Variants in MICU1 observed in about 807,000 individuals in gnomAD.
The protein encoded by MICU1 is calcium uptake protein 1, mitochondrial.
In MICU1, 45 loss-of-function variants were observed where a neutral mutation model predicts 56.8. That is an observed-to-expected ratio of 0.79 (90% confidence interval 0.62 to 1.02). The LOEUF is 1.02. Ranked by LOEUF, MICU1 falls within the 50% of genes least tolerant of loss-of-function variation. The pLI, the probability that MICU1 is intolerant of heterozygous loss-of-function variation, is 0.00. For synonymous variants in MICU1, 186 were observed against 195.1 expected, an observed-to-expected ratio of 0.95 and a Z score of 0.39; for missense variants, 504 against 587.1, an observed-to-expected ratio of 0.86 and a Z score of 1.46.
chr10:72,450,542 G>C (rs1865263324), intron 8 of MICU1, among the ~76,000 whole-genome samples: 1 of 151,956 alleles, frequency 6.6e-6, no homozygotes. Context: ...ACATTCCGGG[G>C]AACTAACTCT....
chr10:72,512,097 G>GTTTTTTTTTTTTTTTTTTTTT (rs1867471926), intron 5 of MICU1, among the ~76,000 whole-genome samples: 8 of 100,692 alleles, frequency 7.9e-5, no homozygotes, highest in African/African-American at 3.3e-4. Context: ...TCCATACACA[G>GTTTTTTTTTTTTTTTTTTTTT]TTGTTTTTTG....
chr10:72,608,752 A>C (rs953066946), intron 1 of MICU1, among the ~76,000 whole-genome samples: 1 of 152,170 alleles, frequency 6.6e-6, no homozygotes. Context: ...ACTTAACTGT[A>C]ACCTAACGAT....
At chr10:72,555,245 T>C (rs996633595) in intron 3 of MICU1, among the ~76,000 whole-genome samples, 1 of 152,184 alleles carries the variant, frequency 6.6e-6, no homozygotes, top group African/African-American at 2.4e-5. Flanking sequence ...TTTTAAAATC[T>C]TGTGTTTACA....
intron 1 of MICU1, among the ~76,000 whole-genome samples, chr10:72,587,116 A>C (rs1364194859): frequency 1.3e-5 from 2 of 152,202 alleles, no homozygotes; most frequent in South Asian, 2.1e-4. Context: ...TGAAGAATAA[A>C]GAAGAGAACT....
intron 1 of MICU1, among the ~76,000 whole-genome samples, chr10:72,606,097 C>A (rs1232179725): frequency 6.7e-6 from 1 of 149,246 alleles, no homozygotes; most frequent in Non-Finnish European, 1.5e-5. Context: ...CACCACTGCA[C>A]TCCAGCCTAG....
chr10:72,523,467 C>T (rs1344804868), intron 5 of MICU1, among the ~76,000 whole-genome samples: 2 of 152,002 alleles, frequency 1.3e-5, no homozygotes, highest in African/African-American at 4.8e-5. Flanking sequence ...GAAGATAATC[C>T]ATTGTACTAA....
At chr10:72,539,261 C>T (rs1426928754) in intron 4 of MICU1, among the ~76,000 whole-genome samples, 1 of 152,164 alleles carries the variant, frequency 6.6e-6, no homozygotes, top group Non-Finnish European at 1.5e-5. Context: ...ATTTACAGAA[C>T]ATTCCATCCA....
chr10:72,478,920 C>A (rs1248827891), intron 6 of MICU1, among the ~76,000 whole-genome samples: 3 of 152,200 alleles, frequency 2.0e-5, no homozygotes, highest in African/African-American at 4.8e-5. Context: ...CAGGTGTGAG[C>A]CACCATGACC....
intron 1 of MICU1, among the ~76,000 whole-genome samples, chr10:72,593,522 CA>C (rs56135700): frequency 0.62 from 81,705 of 131,520 alleles, 24,141 homozygotes; most frequent in Non-Finnish European, 0.68. Flanking sequence ...ACTCTGTCTC[CA>C]AAAAAAAAAA....
intron 8 of MICU1, among the ~76,000 whole-genome samples, chr10:72,425,555 T>C (rs1054439288): frequency 2.0e-5 from 3 of 152,254 alleles, no homozygotes; most frequent in Non-Finnish European, 4.4e-5. Flanking sequence ...ATGGGCTCTA[T>C]TATGATTATT....
At chr10:72,486,087 G>GTA (rs1461617428) in intron 6 of MICU1, among the ~76,000 whole-genome samples, 2 of 152,144 alleles carry the variant, frequency 1.3e-5, no homozygotes, top group East Asian at 3.9e-4. Context: ...CCAAATTTAA[G>GTA]TAAACTAAGT....
intron 1 of MICU1, among the ~76,000 whole-genome samples, chr10:72,614,957 C>T (rs1841941386): frequency 6.6e-6 from 1 of 152,202 alleles, no homozygotes; most frequent in African/African-American, 2.4e-5. Context: ...ATTTTGACCA[C>T]TTTTAAGCAT....
At chr10:72,378,228 C>T (rs746501611) in intron 10 of MICU1, among the ~76,000 whole-genome samples, 14 of 152,064 alleles carry the variant, frequency 9.2e-5, no homozygotes, top group Non-Finnish European at 2.1e-4. Flanking sequence ...ACTCCAGCCT[C>T]GGTTACAGAG....
chr10:72,380,371 T>C (rs1862661461), intron 10 of MICU1, among the ~76,000 whole-genome samples: 1 of 152,160 alleles, frequency 6.6e-6, no homozygotes, highest in Non-Finnish European at 1.5e-5. Flanking sequence ...GGAGAGAATT[T>C]GTAGAAGTGG....
At chr10:72,576,146 A>G (rs899318985) in intron 1 of MICU1, among the ~76,000 whole-genome samples, 13 of 147,838 alleles carry the variant, frequency 8.8e-5, no homozygotes, top group Non-Finnish European at 1.8e-4. Context: ...CTTGGGAGGC[A>G]GAGGTTGCAG....
chr10:72,400,845 A>G (rs1004048645), intron 10 of MICU1, among the ~76,000 whole-genome samples: 3 of 151,808 alleles, frequency 2.0e-5, no homozygotes, highest in Non-Finnish European at 4.4e-5. Flanking sequence ...AAGCTATTCT[A>G]GAGAAATGAT....
intron 10 of MICU1, among the ~76,000 whole-genome samples, chr10:72,381,963 T>TACACACACAC (rs10535513): frequency 0.018 from 2,452 of 138,400 alleles, 25 homozygotes; most frequent in South Asian, 0.026. Flanking sequence ...TATATATCTA[T>TACACACACAC]ACACACACAC....
chr10:72,534,092 T>C (rs1287920010), intron 4 of MICU1, among the ~76,000 whole-genome samples: 3 of 151,934 alleles, frequency 2.0e-5, no homozygotes, highest in African/African-American at 7.3e-5. Flanking sequence ...CTCTTTTCAT[T>C]ATATCAAGGT....
intron 10 of MICU1, among the ~76,000 whole-genome samples, chr10:72,395,751 C>T (rs1216019125): frequency 6.6e-6 from 1 of 152,210 alleles, no homozygotes; most frequent in African/African-American, 2.4e-5. Context: ...ATTGCTGAGG[C>T]TTGATTAGGT....
Sources: gnomAD v4.1 joint callset for allele counts (sites outside exome capture counted in the v4.1 genomes callset) on GRCh38, gnomAD v4.1.1 for gene constraint, MANE v1.5 for transcripts, NCBI Gene and HGNC (gene_info 2026-07-23, HGNC 2026-07-21) for gene names.